The following EYS variants were observed in gnomAD, a reference collection of about 807,000 sequenced individuals.
The protein encoded by EYS is protein eyes shut homolog.
Under a neutral mutation model 282.1 loss-of-function variants are expected in EYS, and 250 were observed. That is an observed-to-expected ratio of 0.89 (90% CI 0.80 to 0.98). EYS has a LOEUF of 0.98. EYS is among the 50% of genes least tolerant of loss of function. EYS has a pLI of 0.00. For synonymous variants in EYS, 1,355 were observed against 1,282.9 expected, an observed-to-expected ratio of 1.06 and a Z score of -1.20; for missense variants, 4,016 against 3,709.0, an observed-to-expected ratio of 1.08 and a Z score of -2.15.
chr6:65,030,119 C>A (rs1006000898), intron 13 of EYS, among the ~76,000 whole-genome samples: 1 of 152,172 alleles, frequency 6.6e-6, no homozygotes, highest in Non-Finnish European at 1.5e-5. Flanking sequence ...AGTCTGGCCA[C>A]ATTCCCCGAA....
At chr6:63,811,195 C>G (rs561313227) in intron 36 of EYS, among the ~76,000 whole-genome samples, 1 of 152,316 alleles carries the variant, frequency 6.6e-6, no homozygotes, top group East Asian at 1.9e-4. Context: ...TGTTTCTCTG[C>G]TCAACATACT....
At chr6:64,651,668 C>T (rs372973759) in intron 22 of EYS, among the ~76,000 whole-genome samples, 17 of 151,736 alleles carry the variant, frequency 1.1e-4, no homozygotes, top group African/African-American at 3.9e-4. Flanking sequence ...GGTGACAGAG[C>T]GAGACTCCGT....
At chr6:64,625,281 AG>A (rs1272752519) in intron 23 of EYS, among the ~76,000 whole-genome samples, 2 of 152,224 alleles carry the variant, frequency 1.3e-5, no homozygotes, top group Non-Finnish European at 2.9e-5. Context: ...ATATGATCAA[AG>A]GTAGAGATGG....
At chr6:64,824,627 TA>T (rs1764995860) in intron 19 of EYS, among the ~76,000 whole-genome samples, 1 of 151,800 alleles carries the variant, frequency 6.6e-6, no homozygotes, top group South Asian at 2.1e-4. Flanking sequence ...AATTTTCAGT[TA>T]AAAAAAGATA....
intron 32 of EYS, among the ~76,000 whole-genome samples, chr6:64,071,705 G>GTT (rs1432915555): frequency 6.8e-6 from 1 of 146,518 alleles, no homozygotes; most frequent in Non-Finnish European, 1.5e-5. Flanking sequence ...AATGACATGT[G>GTT]TTTTTATATA....
At chr6:64,741,626 T>C (rs1489579941) in intron 22 of EYS, among the ~76,000 whole-genome samples, 1 of 152,254 alleles carries the variant, frequency 6.6e-6, no homozygotes, top group Non-Finnish European at 1.5e-5. Flanking sequence ...TAATCAATTA[T>C]GTTAGCTAGA....
chr6:65,160,643 C>A (rs1347624661), intron 12 of EYS, among the ~76,000 whole-genome samples: 1 of 150,770 alleles, frequency 6.6e-6, no homozygotes, highest in Non-Finnish European at 1.5e-5. Context: ...CAATATTTTC[C>A]AAGCTCTTTA....
intron 12 of EYS, among the ~76,000 whole-genome samples, chr6:65,250,992 T>G (rs1767305955): frequency 1.5e-5 from 2 of 132,650 alleles, no homozygotes; most frequent in South Asian, 2.3e-4. Flanking sequence ...TTAAGTGATA[T>G]GAAAAAAATA....
At chr6:65,510,271 G>GT (rs1562231082) in intron 2 of EYS, among the ~76,000 whole-genome samples, 1 of 147,510 alleles carries the variant, frequency 6.8e-6, no homozygotes, top group East Asian at 2.0e-4. Context: ...GCGGTGTTTG[G>GT]TTTTTTGTTC....
chr6:64,433,340 G>C (rs1488696286), intron 28 of EYS, among the ~76,000 whole-genome samples: 2 of 151,834 alleles, frequency 1.3e-5, no homozygotes, highest in Admixed American at 1.3e-4. Context: ...ATATGTAAAT[G>C]GTCAAAAAAT....
At chr6:65,200,852 C>A (rs555374355) in intron 12 of EYS, among the ~76,000 whole-genome samples, 1 of 151,628 alleles carries the variant, frequency 6.6e-6, no homozygotes, top group African/African-American at 2.4e-5. Flanking sequence ...ATAAACTGAA[C>A]AAATAGAAGA....
At chr6:65,465,459 AGAGT>A (rs1236781016) in intron 5 of EYS, among the ~76,000 whole-genome samples, 1 of 152,050 alleles carries the variant, frequency 6.6e-6, no homozygotes, top group African/African-American at 2.4e-5. Flanking sequence ...CCTGGGTGAC[AGAGT>A]GAGGCTCTGT....
At chr6:63,900,257 G>C (rs1773627266) in intron 35 of EYS, among the ~76,000 whole-genome samples, 1 of 152,082 alleles carries the variant, frequency 6.6e-6, no homozygotes. Flanking sequence ...AAATGCATTA[G>C]TAGAAGTTCA....
chr6:63,984,345 A>G, intron 35 of EYS, 38 bp downstream of exon 35: 1 of 1,375,832 alleles, frequency 7.3e-7, no homozygotes, highest in South Asian at 1.2e-5. Context: ...ATTTGGAGTC[A>G]TGTAACGTAG....
chr6:63,735,902 C>G (rs1414489303), intron 41 of EYS, among the ~76,000 whole-genome samples: 1 of 152,136 alleles, frequency 6.6e-6, no homozygotes, highest in Non-Finnish European at 1.5e-5. Flanking sequence ...CAACTTAGCT[C>G]TATCTGGTGT....
At chr6:64,715,940 G>A (rs926779061) in intron 22 of EYS, among the ~76,000 whole-genome samples, 17 of 152,124 alleles carry the variant, frequency 1.1e-4, no homozygotes, top group Non-Finnish European at 2.4e-4. Flanking sequence ...GAAATCTCTG[G>A]AGTGGCTCTT....
In EYS at chr6:65,405,274, T is replaced by C; in HGVS notation, c.956A>G (p.Glu319Gly). 1 of 1,613,234 alleles carries C rather than the reference T, an allele frequency of 6.2e-7. No individual in the cohort carries two copies. Among genetic ancestry groups the C allele is most frequent in the Non-Finnish European group, 8.5e-7 (1 of 1,179,502 alleles). ...TTGGCTGGAAGATCCTTTTGGGCATTCATAAGTATAAGCAGAACTGCTATT... is the reference window on the plus strand; with the variant it reads ...TTGGCTGGAAGATCCTTTTGGGCATCCATAAGTATAAGCAGAACTGCTATT... ...CPNSSSAYTY[E>G]CPKGSSSQNG... Residue 319 changes from glutamate (E) to glycine (G), a missense_variant, in exon 6 of 43, where the codon GAA becomes GGA. Transcript: ENST00000503581.
At chr6:64,141,718 C>A (rs1323466476) in intron 31 of EYS, among the ~76,000 whole-genome samples, 1 of 152,022 alleles carries the variant, frequency 6.6e-6, no homozygotes, top group East Asian at 1.9e-4. Context: ...TGATCTATAG[C>A]CTAATTTTAA....
chr6:65,070,390 T>A (rs930262884), intron 12 of EYS, among the ~76,000 whole-genome samples: 2 of 151,980 alleles, frequency 1.3e-5, no homozygotes, highest in Non-Finnish European at 2.9e-5. Context: ...CTCTACCTTA[T>A]GTCTTGTCAC....
Sources: allele counts gnomAD v4.1 joint callset (sites outside exome capture counted in the v4.1 genomes callset), GRCh38; gene constraint gnomAD v4.1.1; transcripts MANE v1.5; gene names NCBI Gene and HGNC (gene_info 2026-07-23, HGNC 2026-07-21).